The following KCND2 variants were observed in gnomAD, a reference collection of about 807,000 sequenced individuals.
KCND2 encodes A-type voltage-gated potassium channel KCND2.
A neutral mutation model predicts 54.4 loss-of-function variants in KCND2; 16 were observed. The observed-to-expected ratio is 0.29, with a 90% confidence interval of 0.20 to 0.45. KCND2 has a LOEUF of 0.45. Ranked by LOEUF, KCND2 falls within the 20% of genes least tolerant of loss-of-function variation. The pLI is 1.00. For missense variants in KCND2, 486 were observed against 824.2 expected, an observed-to-expected ratio of 0.59 and a Z score of 5.02; for synonymous variants, 317 against 310.7, an observed-to-expected ratio of 1.02 and a Z score of -0.21.
intron 1 of KCND2, among the ~76,000 whole-genome samples, chr7:120,398,483 A>G (rs752806481): frequency 6.7e-6 from 1 of 149,962 alleles, no homozygotes; most frequent in Non-Finnish European, 1.5e-5. Context: ...ACTTCTATAA[A>G]ATGGCTGCAA....
At chr7:120,686,127 G>A (rs1792198259) in intron 1 of KCND2, among the ~76,000 whole-genome samples, 1 of 152,148 alleles carries the variant, frequency 6.6e-6, no homozygotes, top group South Asian at 2.1e-4. Flanking sequence ...CCCCACATAA[G>A]AACCCGGATT....
intron 1 of KCND2, among the ~76,000 whole-genome samples, chr7:120,665,201 G>A (rs1791910284): frequency 6.6e-6 from 1 of 151,998 alleles, no homozygotes; most frequent in South Asian, 2.1e-4. Context: ...AATAACTGTT[G>A]TGTATCATCG....
At chr7:120,417,076 AC>A (rs1277734576) in intron 1 of KCND2, among the ~76,000 whole-genome samples, 1 of 152,118 alleles carries the variant, frequency 6.6e-6, no homozygotes, top group East Asian at 1.9e-4. Flanking sequence ...AAAACTCCTG[AC>A]CTCAAGTGAT....
rs536214663 is a variant in KCND2 at position 120,595,834 on chromosome 7, A to G, written c.1116-137069A>G. On this transcript the variant is annotated intron_variant, in intron 1 of 5. Transcript: ENST00000331113. ...GTGAAACTTTCTATAAATAGCAGCC[A>G]GCACATAAAAGACACTCAAATAATA... 2.6e-4 allele frequency among the ~76,000 whole-genome samples: 40 copies of G among 151,984 alleles called. No individual in the cohort carries two copies. In the South Asian group the frequency reaches 7.9e-3, roughly 30 times the overall value.
At chr7:120,708,402 T>C (rs1359271102) in intron 1 of KCND2, among the ~76,000 whole-genome samples, 1 of 152,122 alleles carries the variant, frequency 6.6e-6, no homozygotes, top group African/African-American at 2.4e-5. Context: ...CTAAATACCA[T>C]TAAATGAGTG....
intron 1 of KCND2, among the ~76,000 whole-genome samples, chr7:120,673,416 G>A (rs978202241): frequency 3.3e-5 from 5 of 152,022 alleles, no homozygotes; most frequent in African/African-American, 1.2e-4. Context: ...TTCTTATGCT[G>A]ATAGTTGGAA....
intron 1 of KCND2, among the ~76,000 whole-genome samples, chr7:120,644,104 G>A (rs534535803): frequency 6.6e-6 from 1 of 152,116 alleles, no homozygotes; most frequent in South Asian, 2.1e-4. Context: ...GAAGATGAAT[G>A]AACTCTCTGC....
chr7:120,298,886 G>A lies in KCND2; in HGVS notation c.1115+23139G>A, dbSNP rs528247452. Among the ~76,000 whole-genome samples the A allele has an allele frequency of 3.3e-5, 5 of 152,244 alleles. No homozygotes were observed. In the East Asian group the frequency reaches 5.8e-4, roughly 18 times the overall value. ...GAAATTGAGAATGGAGGCCTGGCGC[G>A]GTGGCTCACACCTTTAATCCCAGCA... On this transcript the variant is annotated intron_variant, in intron 1 of 5. Transcript: ENST00000331113.
chr7:120,329,041 C>G (rs1800023649), intron 1 of KCND2, among the ~76,000 whole-genome samples: 1 of 151,622 alleles, frequency 6.6e-6, no homozygotes, highest in Non-Finnish European at 1.5e-5. Flanking sequence ...GCAGCTACTG[C>G]AATCTACTGT....
At chr7:120,709,412 C>T (rs1303650441) in intron 1 of KCND2, among the ~76,000 whole-genome samples, 1 of 152,042 alleles carries the variant, frequency 6.6e-6, no homozygotes, top group Non-Finnish European at 1.5e-5. Context: ...TTTGTTCTTA[C>T]CAGAACAGTA....
intron 1 of KCND2, among the ~76,000 whole-genome samples, chr7:120,339,358 C>G (rs542200197): frequency 9.9e-5 from 15 of 152,086 alleles, no homozygotes; most frequent in African/African-American, 3.4e-4. Flanking sequence ...ATAAATATTG[C>G]ATGCATTGTT....
chr7:120,482,409 A>G (rs970538699), intron 1 of KCND2, among the ~76,000 whole-genome samples: 10 of 152,154 alleles, frequency 6.6e-5, no homozygotes, highest in African/African-American at 2.4e-4. Context: ...TTTTAGCTCT[A>G]TTGGGATGGA....
chr7:120,424,541 C>T (rs565755662), intron 1 of KCND2, among the ~76,000 whole-genome samples: 6 of 152,246 alleles, frequency 3.9e-5, no homozygotes, highest in African/African-American at 1.4e-4. Context: ...GGTCGTAAAC[C>T]TAGTTCTAGA....
At chr7:120,287,918 A>G (rs1349470447) in intron 1 of KCND2, among the ~76,000 whole-genome samples, 1 of 152,152 alleles carries the variant, frequency 6.6e-6, no homozygotes, top group Admixed American at 6.6e-5. Context: ...TAGATATTAT[A>G]GATAGAAAAT....
intron 1 of KCND2, among the ~76,000 whole-genome samples, chr7:120,407,801 A>C (rs1012455067): frequency 4.0e-5 from 6 of 151,784 alleles, no homozygotes; most frequent in African/African-American, 1.2e-4. Context: ...AAATGCCTTC[A>C]TGTCTTCCAG....
intron 1 of KCND2, among the ~76,000 whole-genome samples, chr7:120,713,862 G>T (rs867357731): frequency 5.3e-5 from 8 of 152,126 alleles, no homozygotes; most frequent in Non-Finnish European, 8.8e-5. Context: ...TGACATACTA[G>T]TCTTGTTTTG....
intron 1 of KCND2, among the ~76,000 whole-genome samples, chr7:120,440,439 G>T (rs926518601): frequency 1.3e-5 from 2 of 152,114 alleles, no homozygotes; most frequent in Admixed American, 1.3e-4. Flanking sequence ...ACTGTAGGTT[G>T]TCTCTGTACT....
At chr7:120,693,117 A>T (rs1562911359) in intron 1 of KCND2, among the ~76,000 whole-genome samples, 1 of 152,208 alleles carries the variant, frequency 6.6e-6, no homozygotes, top group East Asian at 1.9e-4. Flanking sequence ...AGGAATTTCA[A>T]AGTACAGGAG....
rs1225775224 is a variant in KCND2 at position 120,273,942 on chromosome 7, A to T, written c.-691A>T. On this transcript the variant is annotated 5_prime_UTR_variant, in exon 1 of 6. Transcript: ENST00000331113. Reference sequence around the variant, plus strand: ...TGGCAGACACAGAGGGTGTTTGTAGACGTGGGGGAGGAGAATCTCTATTAA... The same window carrying T: ...TGGCAGACACAGAGGGTGTTTGTAGTCGTGGGGGAGGAGAATCTCTATTAA... 1 of 153,192 alleles carries T rather than the reference A, an allele frequency of 6.5e-6. No homozygotes were observed. The highest frequency in any genetic ancestry group is 1.5e-5 in the Non-Finnish European group (1 of 68,546). The allele number at this position is 153,192 out of a possible 1,614,324, so 9.5% of individuals were successfully genotyped here. A position where few individuals can be genotyped will look rare whatever the true frequency, so the allele number is the denominator to read the frequency against.
Sources: allele counts gnomAD v4.1 joint callset (sites outside exome capture counted in the v4.1 genomes callset), GRCh38; gene constraint gnomAD v4.1.1; transcripts MANE v1.5; gene names NCBI Gene and HGNC (gene_info 2026-07-23, HGNC 2026-07-21).